Variants in OLFM2 observed in about 807,000 individuals in gnomAD.
The protein encoded by OLFM2 is noelin-2.
A neutral mutation model predicts 43.9 loss-of-function variants in OLFM2; 20 were observed. The observed-to-expected ratio is 0.46, with a 90% CI of 0.32 to 0.66. OLFM2 has a LOEUF of 0.66. OLFM2 is among the 30% of genes least tolerant of loss of function. OLFM2 has a pLI of 0.04. For synonymous variants in OLFM2, 268 were observed against 278.6 expected (o/e 0.96, Z 0.38); for missense variants, 416 against 643.6 (o/e 0.65, Z 3.83).
Position 9,854,691 on chromosome 19 carries a change from A to G in OLFM2, c.860T>C (p.Val287Ala). 1 of 1,614,236 alleles carries G rather than the reference A, an allele frequency of 6.2e-7. No homozygotes were observed. Among genetic ancestry groups the G allele is most frequent in the South Asian group, 1.1e-5 (1 of 91,086 alleles). ...SLFYNKYQSN[V>A]VVKYHFRSRS... The stretch of plus-strand genomic sequence containing the variant: ...CGAGCGGAAGTGGTATTTGACCACC[A>G]CGTTGCTCTGGTACTTGTTATAGAA... Residue 287 changes from valine (V) to alanine (A), a missense_variant, in exon 6 of 6, where the codon GTG (valine) becomes GCG (alanine). Physicochemically the swap from Val to Ala is moderately conservative, Grantham distance 64. Transcript: ENST00000264833. The surrounding 1 kb of genome is among the most constrained non-coding windows in gnomAD (Gnocchi z 9.5).
intron 1 of OLFM2, among the ~76,000 whole-genome samples, chr19:9,918,763 G>A (rs886878513): frequency 1.3e-5 from 2 of 152,120 alleles, no homozygotes; most frequent in African/African-American, 2.4e-5. Flanking sequence ...GGAGCCAGAC[G>A]CAAAAGACCA....
chr19:9,919,904 C>T (rs1242393516), intron 1 of OLFM2, among the ~76,000 whole-genome samples: 1 of 149,648 alleles, frequency 6.7e-6, no homozygotes. Flanking sequence ...AAGTGATTCT[C>T]GTGCCTCAGC....
intron 2 of OLFM2, among the ~76,000 whole-genome samples, chr19:9,858,786 A>G (rs2046344129): frequency 6.6e-6 from 1 of 152,004 alleles, no homozygotes; most frequent in African/African-American, 2.4e-5. Flanking sequence ...TAAGGTAGCC[A>G]CCTTGTTAAG....
rs550199020 is a variant in OLFM2, at chr19:9,860,140, T to G, written c.213+505A>C. ...TCCAGCCTGGGCGACAGAGTGAGAC[T>G]GTCTCAAGGAGAAAAAAAAAAAAAA... is the stretch of plus-strand genomic sequence containing the variant. On this transcript the variant is annotated intron_variant, in intron 2 of 5. Transcript: ENST00000264833. Among the ~76,000 whole-genome samples, 160 of 137,224 alleles carry G rather than the reference T, an allele frequency of 1.2e-3. 1 individual carries two copies. Among genetic ancestry groups the G allele is most frequent in the African/African-American group, 4.3e-3 (154 of 35,922 alleles). The allele number at this position is 137,224 out of a possible 152,430, so 90.0% of individuals were successfully genotyped here.
intron 1 of OLFM2, among the ~76,000 whole-genome samples, chr19:9,877,225 A>G (rs1207507830): frequency 1.6e-5 from 2 of 124,286 alleles, no homozygotes; most frequent in East Asian, 2.4e-4. Flanking sequence ...GTGAGACTCC[A>G]TCTCAAAAAA....
rs778414799 is a variant in OLFM2, at chr19:9,854,692, C to T, written c.859G>A (p.Val287Met). Residue 287 changes from valine to methionine, a missense_variant, in exon 6 of 6, where the codon GTG becomes ATG. Transcript: ENST00000264833. The surrounding 1 kb of genome is among the most constrained non-coding windows in gnomAD (Gnocchi z 9.5). The part of the protein sequence containing the change: ...SLFYNKYQSN[V>M]VVKYHFRSRS... ...GAGCGGAAGTGGTATTTGACCACCA[C>T]GTTGCTCTGGTACTTGTTATAGAAC... The T allele has an allele frequency of 6.2e-6, 10 of 1,614,132 alleles. No individual in the cohort carries two copies. The East Asian group carries it at 1.6e-4, about 25-fold the overall frequency.
chr19:9,935,894 G>T (rs2086511683), intron 1 of OLFM2, among the ~76,000 whole-genome samples: 2 of 152,138 alleles, frequency 1.3e-5, no homozygotes. Context: ...CCACACTGGG[G>T]GCTGCAGGCG....
Position 9,924,967 on chromosome 19 carries a change from T to A in OLFM2, c.63+11337A>T, listed in dbSNP as rs187347594. On this transcript the variant is annotated intron_variant, in intron 1 of 5. Transcript: ENST00000264833. ...TGATATTCTAAAACAGAAACACACA[T>A]AAAACAAAGTTATGGCTGGGCGCCG... Among the ~76,000 whole-genome samples, 7 of 152,056 alleles carry A rather than the reference T, an allele frequency of 4.6e-5. No individual in the cohort carries two copies. The East Asian group carries it at 1.4e-3, about 29-fold the overall frequency.
intron 1 of OLFM2, among the ~76,000 whole-genome samples, chr19:9,879,914 C>A (rs558453574): frequency 6.6e-6 from 1 of 152,044 alleles, no homozygotes; most frequent in African/African-American, 2.4e-5. Flanking sequence ...GTAGCTGGGA[C>A]TACAGGTGCA....
At chr19:9,916,182 C>T (rs954745819) in intron 1 of OLFM2, among the ~76,000 whole-genome samples, 1 of 151,996 alleles carries the variant, frequency 6.6e-6, no homozygotes, top group Non-Finnish European at 1.5e-5. Flanking sequence ...CATGGTAAAA[C>T]CCTGTCTCTA....
intron 2 of OLFM2, 33 bp downstream of exon 2, chr19:9,860,612 C>A (rs2046359308): frequency 6.4e-7 from 1 of 1,557,852 alleles, no homozygotes; most frequent in East Asian, 2.4e-5. Context: ...GAGATTTTCC[C>A]AGCTGCCCCC....
chr19:9,889,228 T>G (rs1426842015), intron 1 of OLFM2, among the ~76,000 whole-genome samples: 3 of 151,932 alleles, frequency 2.0e-5, no homozygotes, highest in Admixed American at 6.6e-5. Flanking sequence ...GGTGTGTATG[T>G]GTGCAACTGT....
chr19:9,860,344 G>A (rs369378855), intron 2 of OLFM2, among the ~76,000 whole-genome samples: 1 of 151,790 alleles, frequency 6.6e-6, no homozygotes, highest in African/African-American at 2.4e-5. Flanking sequence ...GCATGGTGGT[G>A]CATGTCTGTA....
At chr19:9,930,808 G>T (rs745464161) in intron 1 of OLFM2, among the ~76,000 whole-genome samples, 8 of 151,946 alleles carry the variant, frequency 5.3e-5, no homozygotes, top group Non-Finnish European at 1.0e-4. Context: ...AGCCGAAATC[G>T]CACCACTGCA....
chr19:9,893,173 T>TC (rs2046653074), intron 1 of OLFM2, among the ~76,000 whole-genome samples: 1 of 118,662 alleles, frequency 8.4e-6, no homozygotes, highest in Non-Finnish European at 1.8e-5. Flanking sequence ...TTCTTTTTCT[T>TC]TTTTTTTTTG....
intron 1 of OLFM2, among the ~76,000 whole-genome samples, chr19:9,882,101 T>C (rs1294132761): frequency 6.6e-6 from 1 of 151,142 alleles, no homozygotes; most frequent in Non-Finnish European, 1.5e-5. Context: ...TAGCCAGGTG[T>C]GGTGGCTCGC....
chr19:9,896,923 G>C (rs2046690184), intron 1 of OLFM2, among the ~76,000 whole-genome samples: 1 of 152,172 alleles, frequency 6.6e-6, no homozygotes, highest in South Asian at 2.1e-4. Context: ...AGGGTGCAGT[G>C]GCTCACACCT....
chr19:9,883,463 C>G (rs191962118), intron 1 of OLFM2, among the ~76,000 whole-genome samples: 107 of 152,024 alleles, frequency 7.0e-4, no homozygotes, highest in African/African-American at 2.5e-3. Context: ...CCTTTGTTAG[C>G]GAGAATGGGC....
chr19:9,888,995 G>A (rs1242635589), intron 1 of OLFM2, among the ~76,000 whole-genome samples: 3 of 152,100 alleles, frequency 2.0e-5, no homozygotes, highest in African/African-American at 7.2e-5. Context: ...GAAGCCGGGA[G>A]GCAGAGGTTG....
Sources: allele counts gnomAD v4.1 joint callset (sites outside exome capture counted in the v4.1 genomes callset), GRCh38; gene constraint gnomAD v4.1.1; non-coding constraint Gnocchi (gnomAD v3.1); transcripts MANE v1.5; gene names NCBI Gene and HGNC (gene_info 2026-07-23, HGNC 2026-07-21).